The following TM2D1 variants were observed in gnomAD, a reference collection of about 807,000 sequenced individuals.
TM2D1 encodes the protein TM2 domain-containing protein 1.
A neutral mutation model predicts 28.4 loss-of-function variants in TM2D1; 15 were observed. The ratio of observed to expected loss-of-function variants is 0.53; its 90% CI spans 0.35 to 0.81. The LOEUF (loss-of-function observed/expected upper bound fraction) is 0.81, where lower values mean the gene tolerates loss of function less well. Among genes scored for constraint, TM2D1 ranks in the 40% least tolerant of loss-of-function variants. The pLI is 0.01. For synonymous variants in TM2D1, 93 were observed against 96.2 expected (o/e 0.97, Z 0.20); for missense variants, 236 against 254.9 (o/e 0.93, Z 0.50).
intron 2 of TM2D1, among the ~76,000 whole-genome samples, chr1:61,713,488 C>A (rs6681740): frequency 0.056 from 5,062 of 90,958 alleles, 44 homozygotes; most frequent in African/African-American, 0.076. Flanking sequence ...AACTCAAAAA[C>A]AAAAAAAAAA....
rs1570089904 is a variant in TM2D1, at chr1:61,683,268, CT to C, written c.*19+148del. On this transcript the variant is annotated intron_variant, in intron 6 of 6. Transcript: ENST00000606498. The stretch of plus-strand genomic sequence containing the variant: ...GGAGCCATGAGCGTGGACTAAAATG[CT>C]TTTCAAAGGATTGGAGATGTTTCAG... 1.5e-5 allele frequency: 5 copies of C among 322,894 alleles called. No homozygotes were observed. The Admixed American group carries it at 2.0e-4, about 13-fold the overall frequency. The allele number at this position is 322,894 out of a possible 1,614,324, so 20.0% of individuals were successfully genotyped here.
chr1:61,723,348 G>A (rs1258568735), intron 2 of TM2D1, among the ~76,000 whole-genome samples: 1 of 152,196 alleles, frequency 6.6e-6, no homozygotes, highest in Non-Finnish European at 1.5e-5. Context: ...GATATAAGTG[G>A]AGAGCTAAAG....
chr1:61,712,634 C>T (rs1408662506), intron 2 of TM2D1, among the ~76,000 whole-genome samples: 1 of 152,084 alleles, frequency 6.6e-6, no homozygotes, highest in Non-Finnish European at 1.5e-5. Flanking sequence ...TAGTCTCGAA[C>T]TCCTGGCCTC....
chr1:61,709,468 T>A, intron 2 of TM2D1, 31 bp from the exon 3 acceptor site: 2 of 1,383,804 alleles, frequency 1.4e-6, no homozygotes, highest in South Asian at 1.2e-5. Flanking sequence ...GAAACTGTTA[T>A]TTTTTTTTTC....
chr1:61,704,484 C>A (rs981137204), intron 3 of TM2D1, among the ~76,000 whole-genome samples: 1 of 151,522 alleles, frequency 6.6e-6, no homozygotes, highest in African/African-American at 2.4e-5. Flanking sequence ...CAGGCTGGAG[C>A]GCAATGGCAC....
chr1:61,712,359 T>C (rs899161368), intron 2 of TM2D1, among the ~76,000 whole-genome samples: 2 of 152,136 alleles, frequency 1.3e-5, no homozygotes, highest in African/African-American at 4.8e-5. Context: ...TAAACAGACA[T>C]CTAAAATTTT....
chr1:61,709,483 G>C (rs1644462649), intron 2 of TM2D1, 46 bp from the exon 3 acceptor site: 1 of 1,331,364 alleles, frequency 7.5e-7, no homozygotes, highest in African/African-American at 1.4e-5. Context: ...TTTTTCTGGA[G>C]AAACAGTATG....
intron 3 of TM2D1, among the ~76,000 whole-genome samples, chr1:61,704,806 T>C (rs957918810): frequency 1.3e-5 from 2 of 152,098 alleles, no homozygotes; most frequent in Admixed American, 6.5e-5. Context: ...GGCTCTCACC[T>C]GTAATCCCAG....
At chr1:61,717,028 T>TA (rs1644527085) in intron 2 of TM2D1, among the ~76,000 whole-genome samples, 1 of 151,846 alleles carries the variant, frequency 6.6e-6, no homozygotes, top group Non-Finnish European at 1.5e-5. Context: ...TAAGCAAAAA[T>TA]AAACAAATCA....
intron 3 of TM2D1, among the ~76,000 whole-genome samples, chr1:61,706,958 T>C (rs116530521): frequency 0.01 from 1,536 of 152,104 alleles, 26 homozygotes; most frequent in African/African-American, 0.034. Flanking sequence ...ATAATTGATA[T>C]CAATATCTTA....
intron 3 of TM2D1, 69 bp downstream of exon 3, chr1:61,709,260 T>C: frequency 2.1e-6 from 2 of 942,748 alleles, no homozygotes; most frequent in South Asian, 2.8e-5. Context: ...AATTATCTCC[T>C]CTCTTCATGC....
chr1:61,686,000 G>A (rs1644282593), intron 5 of TM2D1, among the ~76,000 whole-genome samples: 1 of 152,036 alleles, frequency 6.6e-6, no homozygotes, highest in Non-Finnish European at 1.5e-5. Context: ...GTGACAAAAT[G>A]CAACCCTATT....
At chr1:61,689,282 C>T (rs1283778779) in intron 5 of TM2D1, among the ~76,000 whole-genome samples, 2 of 151,990 alleles carry the variant, frequency 1.3e-5, no homozygotes, top group African/African-American at 2.4e-5. Flanking sequence ...TAAAAATGTT[C>T]GTAAAATGCA....
intron 5 of TM2D1, among the ~76,000 whole-genome samples, chr1:61,688,507 G>A (rs1053099342): frequency 7.9e-5 from 12 of 152,134 alleles, no homozygotes; most frequent in Non-Finnish European, 1.8e-4. Flanking sequence ...GGCAGGTAAC[G>A]AGGTCAAGAG....
chr1:61,685,512 C>T (rs184995371), intron 5 of TM2D1, among the ~76,000 whole-genome samples: 1 of 152,246 alleles, frequency 6.6e-6, no homozygotes, highest in Admixed American at 6.5e-5. Context: ...ATACTTAATT[C>T]CTGTGATATT....
intron 5 of TM2D1, among the ~76,000 whole-genome samples, chr1:61,691,921 T>TAAAAAAAAAA (rs1316880566): frequency 4.8e-5 from 3 of 62,062 alleles, no homozygotes; most frequent in African/African-American, 1.7e-4. Context: ...AAAAAAAACT[T>TAAAAAAAAAA]AAAAAAAAAA....
chr1:61,683,056 G>A (rs142915686), intron 6 of TM2D1, among the ~76,000 whole-genome samples: 1 of 152,198 alleles, frequency 6.6e-6, no homozygotes, highest in East Asian at 1.9e-4. Flanking sequence ...AAAGAAGGAA[G>A]TTAAAGATTA....
At chr1:61,711,457 C>A (rs1644478732) in intron 2 of TM2D1, among the ~76,000 whole-genome samples, 1 of 151,916 alleles carries the variant, frequency 6.6e-6, no homozygotes, top group African/African-American at 2.4e-5. Context: ...TGAGACCAGC[C>A]TGGGCAACAT....
intron 2 of TM2D1, among the ~76,000 whole-genome samples, chr1:61,721,806 G>A (rs925774434): frequency 6.6e-6 from 1 of 151,802 alleles, no homozygotes; most frequent in South Asian, 2.1e-4. Context: ...ATGAGCTTTT[G>A]TGTGTTTTAA....
Sources: allele counts gnomAD v4.1 joint callset (sites outside exome capture counted in the v4.1 genomes callset), GRCh38; gene constraint gnomAD v4.1.1; transcripts MANE v1.5; gene names NCBI Gene and HGNC (gene_info 2026-07-23, HGNC 2026-07-21).